The following BBX variants were observed in gnomAD, a reference collection of about 807,000 sequenced individuals.
BBX encodes BBX high mobility group box domain containing.
A neutral mutation model predicts 100.2 loss-of-function variants in BBX; 30 were observed. The ratio of observed to expected loss-of-function variants is 0.30; its 90% CI spans 0.22 to 0.41. The LOEUF (loss-of-function observed/expected upper bound fraction) is 0.41, where lower values mean the gene tolerates loss of function less well. Ranked by LOEUF, BBX falls within the 10% of genes least tolerant of loss-of-function variation. The probability of loss-of-function intolerance (pLI) is 1.00; values close to 1 mark genes in which losing one functional copy is unlikely to be tolerated. For synonymous variants in BBX, 376 were observed against 388.1 expected (o/e 0.97, Z 0.37); for missense variants, 1,023 against 1,129.8 (o/e 0.91, Z 1.35).
chr3:107,744,276 G>A (rs1402411965), intron 7 of BBX, among the ~76,000 whole-genome samples: 1 of 152,024 alleles, frequency 6.6e-6, no homozygotes, highest in African/African-American at 2.4e-5. Flanking sequence ...TAATAAAGAT[G>A]GGATTTTTTA....
chr3:107,623,090 C>G (rs2055900953), intron 2 of BBX, among the ~76,000 whole-genome samples: 1 of 152,118 alleles, frequency 6.6e-6, no homozygotes, highest in Non-Finnish European at 1.5e-5. Context: ...GAATCACTTC[C>G]CTGAGCTCCT....
chr3:107,627,916 A>G (rs1355631542), intron 2 of BBX, among the ~76,000 whole-genome samples: 1 of 151,948 alleles, frequency 6.6e-6, no homozygotes, highest in African/African-American at 2.4e-5. Flanking sequence ...TATGTTTTCA[A>G]TGAGTTTTTT....
Position 107,801,111 on chromosome 3 carries a change from A to G in BBX, c.2568A>G (p.Glu856=). The G allele has an allele frequency of 6.2e-7, 1 of 1,614,152 alleles. No individual in the cohort carries two copies. Among genetic ancestry groups the G allele is most frequent in the Non-Finnish European group, 8.5e-7 (1 of 1,179,998 alleles). ...TTGTTACAGATGACAAACCAAAGGA[A>G]CAACTGCAGAGGAGTCTCCCTAAAG... ...AGGTLDDKPK[E]QLQRSLPKAT... The change falls in exon 17 of 18, where the codon GAA becomes GAG. Residue 856 remains glutamate (E), a synonymous_variant. Transcript: ENST00000325805.
At chr3:107,625,856 G>A (rs1377790638) in intron 2 of BBX, among the ~76,000 whole-genome samples, 1 of 151,936 alleles carries the variant, frequency 6.6e-6, no homozygotes, top group Non-Finnish European at 1.5e-5. Context: ...GATTCAAAGG[G>A]TATGTGTGCA....
chr3:107,560,560 G>A (rs956912837), intron 2 of BBX, among the ~76,000 whole-genome samples: 5 of 152,082 alleles, frequency 3.3e-5, no homozygotes. Context: ...TGATTAATGG[G>A]GTTATAGAAT....
intron 2 of BBX, among the ~76,000 whole-genome samples, chr3:107,555,713 T>A (rs952910966): frequency 6.6e-6 from 1 of 152,226 alleles, no homozygotes; most frequent in Non-Finnish European, 1.5e-5. Context: ...TCTTCTTGAA[T>A]GCTGAAAGCG....
At chr3:107,715,014 G>A (rs566575220) in intron 4 of BBX, among the ~76,000 whole-genome samples, 21 of 152,106 alleles carry the variant, frequency 1.4e-4, no homozygotes, top group Non-Finnish European at 2.6e-4. Flanking sequence ...TCAATCTCTT[G>A]ACCTCATGAT....
intron 4 of BBX, among the ~76,000 whole-genome samples, chr3:107,716,158 T>G (rs536816194): frequency 1.3e-5 from 2 of 152,316 alleles, no homozygotes; most frequent in South Asian, 4.1e-4. Flanking sequence ...AAAGGTACTA[T>G]TCATATATTT....
intron 2 of BBX, among the ~76,000 whole-genome samples, chr3:107,557,745 G>C (rs190937282): frequency 6.6e-6 from 1 of 152,296 alleles, no homozygotes; most frequent in African/African-American, 2.4e-5. Flanking sequence ...TATTTCAGTA[G>C]GGACCAAGTT....
At chr3:107,677,491 C>T (rs1204323277) in intron 3 of BBX, 1 of 152,056 alleles carries the variant, frequency 6.6e-6, no homozygotes, top group African/African-American at 2.4e-5. Flanking sequence ...AATATCCTGT[C>T]AAAAAATGCG....
At chr3:107,633,281 A>G (rs2056658013) in intron 2 of BBX, among the ~76,000 whole-genome samples, 1 of 152,116 alleles carries the variant, frequency 6.6e-6, no homozygotes, top group South Asian at 2.1e-4. Flanking sequence ...TAAAATGAGC[A>G]TAAGCTAAAT....
At position 107,729,040 on chromosome 3, in the gene BBX, C is replaced by T. The variant is rs761777769; in HGVS notation, c.601+80C>T. 90 of 1,416,660 alleles carry T rather than the reference C, an allele frequency of 6.4e-5. 1 individual carries two copies. Among genetic ancestry groups the T allele is most frequent in the South Asian group, 6.3e-4 (46 of 73,352 alleles). 87.8% of individuals were successfully genotyped at this position (1,416,660 alleles called of 1,614,324 possible). A position where few individuals can be genotyped will look rare whatever the true frequency, so the allele number is the denominator to read the frequency against. On this transcript the variant is annotated intron_variant, in intron 6 of 17. Transcript: ENST00000325805. ...GCAGCATTTTAAACAATACTGAGGG[C>T]GGGGGGACAAAATTTATAACCAATA...
chr3:107,784,749 C>A (rs2068246299), intron 13 of BBX, among the ~76,000 whole-genome samples: 2 of 150,772 alleles, frequency 1.3e-5, no homozygotes, highest in Admixed American at 1.3e-4. Flanking sequence ...GTAAGACACT[C>A]AAAAAAGAAG....
At chr3:107,623,430 G>T (rs1003093323) in intron 2 of BBX, among the ~76,000 whole-genome samples, 3 of 152,126 alleles carry the variant, frequency 2.0e-5, no homozygotes, top group Non-Finnish European at 4.4e-5. Flanking sequence ...AAATTTTGTT[G>T]TTCTTCCTCT....
chr3:107,626,590 C>G (rs1228141597), intron 2 of BBX, among the ~76,000 whole-genome samples: 1 of 151,550 alleles, frequency 6.6e-6, no homozygotes, highest in Admixed American at 6.6e-5. Flanking sequence ...ACATGCCTGG[C>G]AAGGTTGTGC....
At chr3:107,723,474 A>G (rs1201321621) in intron 5 of BBX, among the ~76,000 whole-genome samples, 2 of 151,904 alleles carry the variant, frequency 1.3e-5, no homozygotes, top group African/African-American at 4.8e-5. Context: ...GGTTTGTTAC[A>G]TATGTATACA....
intron 2 of BBX, among the ~76,000 whole-genome samples, chr3:107,548,999 G>A (rs1310783977): frequency 6.6e-6 from 1 of 152,158 alleles, no homozygotes; most frequent in Non-Finnish European, 1.5e-5. Flanking sequence ...AGATGGGGAA[G>A]GGAAGGAGGG....
Position 107,773,071 on chromosome 3 carries a change from AAAAAAG to A in BBX, c.1359_1364del (p.Lys455_Lys456del), listed in dbSNP as rs1451708418. On this transcript the variant is annotated inframe_deletion, in exon 11 of 18. Coordinates refer to ENST00000325805, the MANE Select transcript of BBX (RefSeq NM_001142568.3). This position sits in a 1 kb window ranked among gnomAD's most constrained non-coding sequence, Gnocchi z 4.1. The stretch of plus-strand genomic sequence containing the variant: ...CAGCATTAAACAAGCCAGAAAAGCT[AAAAAAG>A]AAAAAGAAGAAAAGCAAAATGGATC... 1 of 1,613,354 alleles carries A rather than the reference AAAAAAG, an allele frequency of 6.2e-7. No individual in the cohort carries two copies. The highest frequency in any genetic ancestry group is 2.2e-5 in the East Asian group (1 of 44,884).
chr3:107,768,385 GA>G (rs1213711544), intron 10 of BBX, among the ~76,000 whole-genome samples: 2 of 152,120 alleles, frequency 1.3e-5, no homozygotes, highest in Non-Finnish European at 2.9e-5. Flanking sequence ...AAATGGATTA[GA>G]AAAAACATTC....
Sources: gnomAD v4.1 joint callset for allele counts (sites outside exome capture counted in the v4.1 genomes callset) on GRCh38, gnomAD v4.1.1 for gene constraint, Gnocchi (gnomAD v3.1) non-coding constraint, MANE v1.5 for transcripts, NCBI Gene and HGNC (gene_info 2026-07-23, HGNC 2026-07-21) for gene names.